Variants in KIF15 observed in about 807,000 individuals in gnomAD.
KIF15 encodes the protein kinesin-like protein KIF15.
KIF15 carries 140 observed loss-of-function variants against 190.6 expected under a neutral mutation model. The observed-to-expected ratio is 0.73, with a 90% CI of 0.64 to 0.84. The LOEUF is 0.84. KIF15 is among the 40% of genes least tolerant of loss of function. The pLI, the probability that KIF15 is intolerant of heterozygous loss-of-function variation, is 0.00. For missense variants in KIF15, 1,372 were observed against 1,584.4 expected (o/e 0.87, Z 2.28); for synonymous variants, 528 against 551.3 (o/e 0.96, Z 0.59).
Position 44,829,649 on chromosome 3 carries a change from ATG to A in KIF15, c.2944-320_2944-319del, listed in dbSNP as rs964467288. Reference sequence around the variant, plus strand: ...TACATTATATATGTATATATTATATATGTATATATTATGTATATATAATATAT... The same window carrying A: ...TACATTATATATGTATATATTATATATATATATTATGTATATATAATATAT... On this transcript the variant is annotated intron_variant, in intron 24 of 34. Coordinates refer to ENST00000326047, the MANE Select transcript of KIF15 (RefSeq NM_020242.3). Among the ~76,000 whole-genome samples the A allele has an allele frequency of 5.7e-4, 75 of 132,724 alleles. No individual in the cohort carries two copies. In the East Asian group the frequency reaches 9.3e-3, roughly 16 times the overall value. 87.1% of individuals were successfully genotyped at this position (132,724 alleles called of 152,430 possible).
chr3:44,850,927 C>T (rs1320666823), intron 32 of KIF15, among the ~76,000 whole-genome samples: 6 of 152,124 alleles, frequency 3.9e-5, no homozygotes, highest in Non-Finnish European at 8.8e-5. Flanking sequence ...TGTAATAATA[C>T]ATCATTTCAA....
chr3:44,812,852 GC>G (rs1297514164), intron 18 of KIF15, among the ~76,000 whole-genome samples: 12 of 152,122 alleles, frequency 7.9e-5, no homozygotes, highest in African/African-American at 2.9e-4. Context: ...GGACGTGGTG[GC>G]GTGGGTCTGT....
At chr3:44,839,706 A>G (rs1405772098) in intron 27 of KIF15, among the ~76,000 whole-genome samples, 1 of 152,094 alleles carries the variant, frequency 6.6e-6, no homozygotes, top group Non-Finnish European at 1.5e-5. Flanking sequence ...CACTTCCCCC[A>G]GACTCTGGTA....
chr3:44,865,567 A>ATGTC (rs1699312457), intron 6 of KIF15: 1 of 216,678 alleles, frequency 4.6e-6, no homozygotes, highest in South Asian at 1.1e-4. Context: ...GCTTTCTGAC[A>ATGTC]GTTCCATGCT....
chr3:44,831,288 A>G (rs766387877), intron 26 of KIF15, among the ~76,000 whole-genome samples: 40 of 152,160 alleles, frequency 2.6e-4, no homozygotes, highest in Non-Finnish European at 5.1e-4. Context: ...AGTCTTATAC[A>G]TATACTGTCT....
intron 4 of KIF15, among the ~76,000 whole-genome samples, chr3:44,780,617 C>A (rs1706117580): frequency 2.0e-5 from 3 of 152,094 alleles, no homozygotes; most frequent in Non-Finnish European, 4.4e-5. Context: ...AGAGCATCAT[C>A]CCAATTTTGG....
At chr3:44,861,896 G>T in intron 6 of KIF15, 1 of 1,488,074 alleles carries the variant, frequency 6.7e-7, no homozygotes, top group South Asian at 1.2e-5. Context: ...TGCGGGCAGC[G>T]GGTGCCAGGC....
rs182878874 is a variant in KIF15, at chr3:44,829,899, T to C, written c.2944-72T>C. ...TTATATTGCCATTAGGAAAGATAAG[T>C]GATTTACCATTTAAAAATTTTCTTC... On this transcript the variant is annotated intron_variant, in intron 24 of 34. Transcript: ENST00000326047. 163 of 666,584 alleles carry C rather than the reference T, an allele frequency of 2.4e-4. 1 individual carries two copies. The South Asian group carries it at 6.0e-3, about 24-fold the overall frequency. 41.3% of individuals were successfully genotyped at this position (666,584 alleles called of 1,614,324 possible).
intron 10 of KIF15, among the ~76,000 whole-genome samples, chr3:44,798,532 C>T (rs139259460): frequency 0.011 from 1,610 of 151,910 alleles, 19 homozygotes; most frequent in Middle Eastern, 0.027. Flanking sequence ...AGGATGATCT[C>T]GATCTCCTGA....
At chr3:44,864,605 C>T (rs1259747420) in intron 6 of KIF15, among the ~76,000 whole-genome samples, 1 of 152,196 alleles carries the variant, frequency 6.6e-6, no homozygotes, top group Non-Finnish European at 1.5e-5. Context: ...AGCCCTCATT[C>T]TGAAGTCACT....
rs1450199893 is a variant in KIF15, at chr3:44,775,245, T to G, written c.63-9T>G. The G allele has an allele frequency of 1.9e-6, 3 of 1,605,144 alleles. No individual in the cohort carries two copies. In the Admixed American group the frequency reaches 5.1e-5, roughly 27 times the overall value. On this transcript the variant is annotated splice_polypyrimidine_tract_variant and intron_variant, in intron 2 of 34. Coordinates refer to ENST00000326047, the MANE Select transcript of KIF15 (RefSeq NM_020242.3). ...AACTGAACTGTTACTTTCTTTTTTT[T>G]GTCTTTAGTAATGAAGGTGATGCCA...
In KIF15 at chr3:44,787,332, G is replaced by A. The variant is rs145931796; in HGVS notation, c.639+758G>A. 9.4e-3 allele frequency among the ~76,000 whole-genome samples: 1,424 copies of A among 152,244 alleles called. 15 individuals are homozygous for A. The highest frequency in any genetic ancestry group is 0.024 in the Middle Eastern group (7 of 294). ...TTTCTTCCACTTTTAAATCACATATGTATGTGGTTTTGCCTGTTTTTGAGT... is the reference window on the plus strand; with the variant it reads ...TTTCTTCCACTTTTAAATCACATATATATGTGGTTTTGCCTGTTTTTGAGT... On this transcript the variant is annotated intron_variant, in intron 7 of 34. Transcript: ENST00000326047.
In KIF15 at chr3:44,826,282, G is replaced by A. The variant is rs1272165305; in HGVS notation, c.2700+93G>A. The A allele has an allele frequency of 1.9e-6, 3 of 1,546,600 alleles. No individual in the cohort carries two copies. In the Admixed American group the frequency reaches 5.6e-5, roughly 29 times the overall value. On this transcript the variant is annotated intron_variant, in intron 21 of 34. Transcript: ENST00000326047. ...CCTTTCCTCCTTCTTTGCTATACTTGCCCACAGTGCCTGCCACATAGAAGG... is the reference window on the plus strand; with the variant it reads ...CCTTTCCTCCTTCTTTGCTATACTTACCCACAGTGCCTGCCACATAGAAGG...
chr3:44,782,865 C>T (rs1706230898), intron 5 of KIF15, among the ~76,000 whole-genome samples: 1 of 152,114 alleles, frequency 6.6e-6, no homozygotes, highest in African/African-American at 2.4e-5. Context: ...GTGGAGTTTT[C>T]CAGGATAAGG....
chr3:44,843,052 G>A, intron 29 of KIF15, 73 bp from the exon 30 acceptor site: 1 of 1,031,684 alleles, frequency 9.7e-7, no homozygotes, highest in East Asian at 2.4e-5. Flanking sequence ...ACCTGTCTCA[G>A]TGGTGGCCTT....
intron 3 of KIF15, 101 bp from the exon 4 acceptor site, chr3:44,778,014 A>G: frequency 2.3e-6 from 2 of 872,512 alleles, no homozygotes; most frequent in Non-Finnish European, 3.9e-6. Flanking sequence ...GATGTTATCC[A>G]TGTTATTACT....
At chr3:44,819,091 C>A (rs1708150864) in intron 20 of KIF15, among the ~76,000 whole-genome samples, 1 of 151,988 alleles carries the variant, frequency 6.6e-6, no homozygotes, top group South Asian at 2.1e-4. Context: ...GTGGTGATAT[C>A]CCCTTTATCA....
intron 27 of KIF15, among the ~76,000 whole-genome samples, chr3:44,839,374 A>G (rs1698482880): frequency 1.3e-5 from 2 of 151,364 alleles, no homozygotes; most frequent in African/African-American, 4.8e-5. Context: ...CTCCATCTCA[A>G]AAAAAAAAGA....
intron 7 of KIF15, among the ~76,000 whole-genome samples, chr3:44,793,958 G>A (rs1385890210): frequency 1.3e-5 from 2 of 149,026 alleles, no homozygotes; most frequent in Non-Finnish European, 3.0e-5. Flanking sequence ...ATGGCTCACT[G>A]CAGCCTTGAA....
Sources: gnomAD v4.1 joint callset for allele counts (sites outside exome capture counted in the v4.1 genomes callset) on GRCh38, gnomAD v4.1.1 for gene constraint, MANE v1.5 for transcripts, NCBI Gene and HGNC (gene_info 2026-07-23, HGNC 2026-07-21) for gene names.